Variants in DENND4C observed in about 807,000 individuals in gnomAD.
The protein encoded by DENND4C is DENN domain containing 4C.
DENND4C carries 108 observed loss-of-function variants against 203.0 expected under a neutral mutation model. The observed-to-expected ratio is 0.53, with a 90% CI of 0.46 to 0.62. The LOEUF (loss-of-function observed/expected upper bound fraction) is 0.62. Among genes scored for constraint, DENND4C ranks in the 20% least tolerant of loss-of-function variants. DENND4C has a pLI of 0.00. For missense variants in DENND4C, 2,481 were observed against 2,301.2 expected (o/e 1.08, Z -1.60); for synonymous variants, 871 against 792.4 (o/e 1.10, Z -1.67).
Position 19,342,642 on chromosome 9 carries a change from A to C in DENND4C, c.3014A>C (p.Asp1005Ala). 1 of 1,601,072 alleles carries C rather than the reference A, an allele frequency of 6.2e-7. No homozygotes were observed. Among genetic ancestry groups the C allele is most frequent in the Non-Finnish European group, 8.5e-7 (1 of 1,175,954 alleles). The change falls in exon 22 of 33, where the codon GAT becomes GCT. Residue 1005 changes from aspartate to alanine, a missense_variant. Transcript: ENST00000434457. ...KTKMQTEEVC[D>A]ASAIVAKHSQ... ...AAATATTTTTTTCCAGAGGTGTGTG[A>C]TGCCTCTGCTATTGTGGCAAAACAT... is the stretch of plus-strand genomic sequence containing the variant.
At chr9:19,255,867 G>C (rs2131673184) in intron 1 of DENND4C, among the ~76,000 whole-genome samples, 2 of 152,276 alleles carry the variant, frequency 1.3e-5, no homozygotes, top group African/African-American at 4.8e-5. Context: ...CTATTTACTT[G>C]ACTTGATTTA....
rs1825591959 is a variant in DENND4C at position 19,357,055 on chromosome 9, C to T, written c.4865C>T (p.Pro1622Leu). ...GCAAATGAATCCTTGGAGCACAAAC[C>T]TGTATCCAGTTTAGCAGAACCTGAC... ...PLANESLEHK[P>L]VSSLAEPDLI... The change falls in exon 27 of 33, where the codon CCT (proline) becomes CTT (leucine). Residue 1622 changes from proline (P) to leucine (L), a missense_variant. By Grantham distance (98) the Pro-to-Leu change is moderately conservative. Coordinates refer to ENST00000434457, the MANE Select transcript of DENND4C (RefSeq NM_001330640.2). The T allele has an allele frequency of 6.2e-7, 1 of 1,613,832 alleles. No individual in the cohort carries two copies. The highest frequency in any genetic ancestry group is 1.7e-5 in the Admixed American group (1 of 59,984).
intron 17 of DENND4C, among the ~76,000 whole-genome samples, chr9:19,333,756 A>G (rs1489577328): frequency 6.6e-6 from 1 of 152,232 alleles, no homozygotes; most frequent in Non-Finnish European, 1.5e-5. Context: ...GGCTGAGGAA[A>G]CTGAGGCACT....
Position 19,316,526 on chromosome 9 carries a change from AG to A in DENND4C, c.1588+12del. ...TCCCCAGCTGTCTTCAGGTAATGTG[AG>A]GGAAAAGGAATATTATTAATGAAGG... On this transcript the variant is annotated intron_variant, in intron 11 of 32. Coordinates refer to ENST00000434457, the MANE Select transcript of DENND4C (RefSeq NM_001330640.2). The A allele has an allele frequency of 6.2e-7, 1 of 1,608,378 alleles. No homozygotes were observed. Among genetic ancestry groups the A allele is most frequent in the South Asian group, 1.1e-5 (1 of 90,166 alleles).
chr9:19,333,307 C>T (rs1730359240), intron 17 of DENND4C, among the ~76,000 whole-genome samples: 1 of 152,134 alleles, frequency 6.6e-6, no homozygotes, highest in African/African-American at 2.4e-5. Context: ...TGAGCCACTG[C>T]ACCTGGCCTA....
intron 1 of DENND4C, among the ~76,000 whole-genome samples, chr9:19,246,293 G>T (rs1386671977): frequency 6.6e-6 from 1 of 152,072 alleles, no homozygotes; most frequent in East Asian, 1.9e-4. Flanking sequence ...AAACAAATAC[G>T]CTAGCTCGTC....
intron 2 of DENND4C, among the ~76,000 whole-genome samples, chr9:19,276,846 T>C (rs1219645526): frequency 1.3e-5 from 2 of 152,206 alleles, no homozygotes; most frequent in Non-Finnish European, 2.9e-5. Context: ...GCTTGGGTTA[T>C]GTAATGAGTT....
At chr9:19,301,336 A>G (rs763753637) in intron 9 of DENND4C, among the ~76,000 whole-genome samples, 1 of 152,204 alleles carries the variant, frequency 6.6e-6, no homozygotes, top group African/African-American at 2.4e-5. Context: ...CATTTTAAGA[A>G]TGTAAGTCTC....
chr9:19,270,607 A>G (rs1294796013), intron 1 of DENND4C, among the ~76,000 whole-genome samples: 1 of 152,194 alleles, frequency 6.6e-6, no homozygotes, highest in East Asian at 1.9e-4. Flanking sequence ...CTTGATGGTT[A>G]CTTGGGTTGT....
intron 10 of DENND4C, among the ~76,000 whole-genome samples, chr9:19,309,569 A>G (rs1840348347): frequency 6.6e-6 from 1 of 152,116 alleles, no homozygotes; most frequent in South Asian, 2.1e-4. Flanking sequence ...TCATGGTATG[A>G]GACTTTTTTT....
chr9:19,259,117 T>C (rs1395816426), intron 1 of DENND4C, among the ~76,000 whole-genome samples: 1 of 152,190 alleles, frequency 6.6e-6, no homozygotes, highest in Non-Finnish European at 1.5e-5. Flanking sequence ...ATGGTACTTT[T>C]AGTTATTTTA....
chr9:19,304,042 CT>C (rs200700166), intron 9 of DENND4C, among the ~76,000 whole-genome samples: 12 of 137,476 alleles, frequency 8.7e-5, no homozygotes, highest in East Asian at 2.1e-4. Context: ...CAAAACCTGT[CT>C]TTTTTAAAAA....
chr9:19,318,676 C>T (rs1263253540), intron 12 of DENND4C, among the ~76,000 whole-genome samples: 1 of 152,146 alleles, frequency 6.6e-6, no homozygotes, highest in Non-Finnish European at 1.5e-5. Flanking sequence ...AGCCTCTTCC[C>T]TTGGCTTGTA....
At chr9:19,357,819 A>G in intron 27 of DENND4C, 146 bp from the exon 28 acceptor site, 3 of 657,748 alleles carry the variant, frequency 4.6e-6, no homozygotes, top group East Asian at 5.6e-5. Context: ...AAATGGTTGA[A>G]GGAAATGCAA....
At chr9:19,272,376 C>T (rs980638202) in intron 1 of DENND4C, among the ~76,000 whole-genome samples, 11 of 151,682 alleles carry the variant, frequency 7.3e-5, no homozygotes, top group Non-Finnish European at 1.5e-4. Flanking sequence ...GCCGAGATTG[C>T]GCCATTGCAC....
At chr9:19,284,902 T>C (rs557243158) in intron 2 of DENND4C, among the ~76,000 whole-genome samples, 3 of 152,152 alleles carry the variant, frequency 2.0e-5, no homozygotes, top group Non-Finnish European at 4.4e-5. Context: ...TTATGTAGTT[T>C]ATTTTTCTAC....
At position 19,328,136 on chromosome 9, in the gene DENND4C, C is replaced by A. The variant is rs1818215824; in HGVS notation, c.2227C>A (p.Pro743Thr). The A allele has an allele frequency of 1.2e-6, 2 of 1,611,982 alleles. No individual in the cohort carries two copies. Among genetic ancestry groups the A allele is most frequent in the South Asian group, 1.1e-5 (1 of 90,588 alleles). The part of the protein sequence containing the change: ...PTGNSITKSP[P>T]LMAKRTKQEI... ...TGGGAATAGCATTACAAAGAGTCCACCTCTCATGGCTAAGAGAACTAAACA... is the reference window on the plus strand; with the variant it reads ...TGGGAATAGCATTACAAAGAGTCCAACTCTCATGGCTAAGAGAACTAAACA... The change falls in exon 16 of 33, where the codon CCT becomes ACT. Residue 743 changes from proline (P) to threonine (T), a missense_variant. Physicochemically the swap from Pro to Thr is conservative, Grantham distance 38. Around this residue, in one of 3 missense-constraint regions of DENND4C, gnomAD observed 2,289 missense variants for 2,113.3 expected, o/e 1.08. Transcript: ENST00000434457.
At chr9:19,273,134 A>C (rs1832113346) in intron 1 of DENND4C, among the ~76,000 whole-genome samples, 1 of 151,730 alleles carries the variant, frequency 6.6e-6, no homozygotes, top group African/African-American at 2.4e-5. Flanking sequence ...TTGTATTTTT[A>C]GTAGAGACAG....
chr9:19,339,594 AC>A (rs1308427154), intron 20 of DENND4C, among the ~76,000 whole-genome samples: 1 of 151,926 alleles, frequency 6.6e-6, no homozygotes, highest in Non-Finnish European at 1.5e-5. Context: ...ACCTAGTCTC[AC>A]TATTGTCTGG....
Sources: allele counts gnomAD v4.1 joint callset (sites outside exome capture counted in the v4.1 genomes callset), GRCh38; gene constraint gnomAD v4.1.1; regional missense constraint gnomAD v4.1.1; transcripts MANE v1.5; gene names NCBI Gene and HGNC (gene_info 2026-07-23, HGNC 2026-07-21).